The following PIK3R6 variants were observed in gnomAD, a reference collection of about 807,000 sequenced individuals.
PIK3R6 encodes phosphoinositide 3-kinase regulatory subunit 6.
Under a neutral mutation model 84.9 loss-of-function variants are expected in PIK3R6, and 91 were observed. That is an observed-to-expected ratio of 1.07 (90% CI 0.90 to 1.28). PIK3R6 has a LOEUF of 1.28. PIK3R6 is among the 50% of genes most tolerant of loss of function. PIK3R6 has a pLI of 0.00. For missense variants in PIK3R6, 996 were observed against 985.1 expected (o/e 1.01, Z -0.15); for synonymous variants, 416 against 411.4 (o/e 1.01, Z -0.13).
chr17:8,805,575 G>A (rs2087179459), intron 18 of PIK3R6, among the ~76,000 whole-genome samples: 1 of 152,196 alleles, frequency 6.6e-6, no homozygotes, highest in African/African-American at 2.4e-5. Context: ...CATGACAGAG[G>A]GTAACACTCA....
chr17:8,843,714 C>G (rs1011935412), intron 2 of PIK3R6, among the ~76,000 whole-genome samples: 24 of 152,054 alleles, frequency 1.6e-4, no homozygotes, highest in African/African-American at 5.3e-4. Flanking sequence ...TTTCTGGCAT[C>G]TCTCGAAAAT....
intron 13 of PIK3R6, among the ~76,000 whole-genome samples, chr17:8,823,977 TAA>T (rs2087834763): frequency 6.6e-6 from 1 of 152,178 alleles, no homozygotes; most frequent in Non-Finnish European, 1.5e-5. Context: ...CATCTATTAA[TAA>T]ACTAATTGGC....
In PIK3R6 at chr17:8,867,430, C is replaced by A. The variant is rs183584885; in HGVS notation, c.-92+99G>T. The A allele has an allele frequency of 1.1e-3, 205 of 182,330 alleles. 2 individuals are homozygous for A. The highest frequency in any genetic ancestry group is 1.6e-3 in the Admixed American group (28 of 17,740). 11.3% of individuals were successfully genotyped at this position (182,330 alleles called of 1,614,324 possible). ...AAATAAGAGCCAGGGGTGTTTCAGCCCCCCCAGGGGCTCCCCTTCCAGGTC... is the reference window on the plus strand; with the variant it reads ...AAATAAGAGCCAGGGGTGTTTCAGCACCCCCAGGGGCTCCCCTTCCAGGTC... On this transcript the variant is annotated intron_variant, in intron 1 of 19. Transcript: ENST00000619866.
rs756791416 is a variant in PIK3R6 at position 8,828,733 on chromosome 17, T to C, written c.1147A>G (p.Met383Val). 5.5e-5 allele frequency: 88 copies of C among 1,608,816 alleles called. No individual in the cohort carries two copies. The highest frequency in any genetic ancestry group is 7.1e-5 in the Non-Finnish European group (84 of 1,177,624). The change falls in exon 11 of 20, where the codon ATG becomes GTG. Residue 383 changes from methionine (M) to valine (V), a missense_variant. Met to Val is a conservative substitution (Grantham distance 21). Transcript: ENST00000619866. ...KKRAWPLDFL[M>V]PGSWDGPPGL... ...GGGGGCCCGTCCCAGCTGCCAGGCA[T>C]CAAGAAGTCCAGGGGCCATGCACGC...
chr17:8,821,717 C>T, intron 17 of PIK3R6, 129 bp downstream of exon 17: 2 of 1,018,308 alleles, frequency 2.0e-6, no homozygotes, highest in Non-Finnish European at 2.9e-6. Context: ...AGGCAGTCAC[C>T]AAGTCCTGGT....
chr17:8,844,179 C>A lies in PIK3R6; in HGVS notation c.14-4482G>T, dbSNP rs1251427135. Among the ~76,000 whole-genome samples the A allele has an allele frequency of 6.6e-6, 1 of 152,226 alleles. No individual in the cohort carries two copies. Among genetic ancestry groups the A allele is most frequent in the African/African-American group, 2.4e-5 (1 of 41,458 alleles). On this transcript the variant is annotated intron_variant, in intron 2 of 19. Transcript: ENST00000619866. The surrounding 1 kb of genome is among the most constrained non-coding windows in gnomAD (Gnocchi z 4.5). ...GTCTCCTGAGCCATCTTCACCAGAGCACGAGAATGTCCCTCAAGGCAGGCT... is the reference window on the plus strand; with the variant it reads ...GTCTCCTGAGCCATCTTCACCAGAGAACGAGAATGTCCCTCAAGGCAGGCT...
At chr17:8,829,838 A>T in intron 9 of PIK3R6, 46 bp from the exon 10 acceptor site, 1 of 1,454,210 alleles carries the variant, frequency 6.9e-7, no homozygotes, top group Non-Finnish European at 9.4e-7. Context: ...AGGCCATGGG[A>T]CCCTCCTCTG....
At chr17:8,836,992 A>G in intron 5 of PIK3R6, 69 bp from the exon 6 acceptor site, 15 of 704,976 alleles carry the variant, frequency 2.1e-5, no homozygotes, top group South Asian at 5.3e-5. Context: ...GGGGAGGTGA[A>G]GGGTCCCGGG....
rs750585531 is a variant in PIK3R6, at chr17:8,836,559, G to A, written c.449C>T (p.Pro150Leu). The A allele has an allele frequency of 3.7e-6, 6 of 1,613,926 alleles. No homozygotes were observed. Among genetic ancestry groups the A allele is most frequent in the Non-Finnish European group, 4.2e-6 (5 of 1,179,884 alleles). The change falls in exon 7 of 20, where the codon CCC (proline) becomes CTC (leucine). Residue 150 changes from proline to leucine, a missense_variant. Pro to Leu is a moderately conservative substitution (Grantham distance 98). Transcript: ENST00000619866. ...TGGGGCCACTCACCTCTCCTGGTAG[G>A]GATACAGCTCATTCGTCAAGTTCTG... ...AEQNLTNELY[P>L]YQERVFLFVD...
At chr17:8,845,370 C>G (rs994806926) in intron 2 of PIK3R6, among the ~76,000 whole-genome samples, 1 of 152,112 alleles carries the variant, frequency 6.6e-6, no homozygotes, top group Non-Finnish European at 1.5e-5. Context: ...GCCATTCTGA[C>G]TGGTGTGAGA....
intron 1 of PIK3R6, among the ~76,000 whole-genome samples, chr17:8,850,127 A>AT (rs2088910561): frequency 1.3e-5 from 2 of 152,110 alleles, no homozygotes; most frequent in Non-Finnish European, 2.9e-5. Flanking sequence ...AACATGGTGA[A>AT]ACCCCGTCTC....
At chr17:8,854,422 C>T (rs936895804) in intron 1 of PIK3R6, among the ~76,000 whole-genome samples, 1 of 152,206 alleles carries the variant, frequency 6.6e-6, no homozygotes, top group African/African-American at 2.4e-5. Flanking sequence ...GCTGGGATTA[C>T]AGGTGTGAGC....
rs142023173 is a variant in PIK3R6 at position 8,840,719 on chromosome 17, A to G, written c.14-1022T>C. Among the ~76,000 whole-genome samples, 1,184 of 148,504 alleles carry G rather than the reference A, an allele frequency of 8.0e-3. 13 individuals carry two copies. Among genetic ancestry groups the G allele is most frequent in the African/African-American group, 0.028 (1,127 of 40,482 alleles). ...AAAACTATTAGGTTTGTGCAAAAGT[A>G]ATTGCAGTTTTTGCCATTATTATTA... On this transcript the variant is annotated intron_variant, in intron 2 of 19. Transcript: ENST00000619866.
chr17:8,809,787 G>A (rs571926375), intron 18 of PIK3R6, among the ~76,000 whole-genome samples: 1 of 152,218 alleles, frequency 6.6e-6, no homozygotes, highest in South Asian at 2.1e-4. Flanking sequence ...CTGCCTAACT[G>A]TTAAAGACAT....
At chr17:8,855,345 A>C (rs1017397027) in intron 1 of PIK3R6, among the ~76,000 whole-genome samples, 5 of 152,068 alleles carry the variant, frequency 3.3e-5, no homozygotes, top group Non-Finnish European at 7.4e-5. Context: ...GGATAAATAA[A>C]TAACTCTCAA....
chr17:8,807,981 C>A (rs1040309373), intron 18 of PIK3R6, among the ~76,000 whole-genome samples: 2 of 152,030 alleles, frequency 1.3e-5, no homozygotes, highest in African/African-American at 4.8e-5. Flanking sequence ...CCAAGAAACC[C>A]CTTTAGTCCC....
intron 5 of PIK3R6, among the ~76,000 whole-genome samples, chr17:8,837,326 CCGGGAG>C (rs2088510963): frequency 6.6e-6 from 1 of 152,032 alleles, no homozygotes; most frequent in South Asian, 2.1e-4. Context: ...TCCACAGTGC[CCGGGAG>C]GCCCCCCTCT....
intron 14 of PIK3R6, 109 bp from the exon 15 acceptor site, chr17:8,823,195 C>A: frequency 1.1e-6 from 1 of 912,250 alleles, no homozygotes; most frequent in South Asian, 1.5e-5. Context: ...TAAAGAAGAC[C>A]TACTTCTTGG....
At chr17:8,838,210 A>G (rs1376923900) in intron 4 of PIK3R6, 3 of 458,984 alleles carry the variant, frequency 6.5e-6, no homozygotes, top group African/African-American at 5.9e-5. Flanking sequence ...GCAAAGTACA[A>G]CATTGGGTAG....
Sources: allele counts gnomAD v4.1 joint callset (sites outside exome capture counted in the v4.1 genomes callset), GRCh38; gene constraint gnomAD v4.1.1; non-coding constraint Gnocchi (gnomAD v3.1); transcripts MANE v1.5; gene names NCBI Gene and HGNC (gene_info 2026-07-23, HGNC 2026-07-21).